The following GLDN variants were observed in gnomAD, a reference collection of about 807,000 sequenced individuals.
The protein encoded by GLDN is gliomedin, also known as collomin.
Under a neutral mutation model 56.5 loss-of-function variants are expected in GLDN, and 47 were observed. The ratio of observed to expected loss-of-function variants is 0.83; its 90% CI spans 0.66 to 1.06. The LOEUF (loss-of-function observed/expected upper bound fraction) is 1.06, where lower values mean the gene tolerates loss of function less well. Ranked by LOEUF, GLDN falls within the 50% of genes least tolerant of loss-of-function variation. The pLI is 0.00. For missense variants in GLDN, 782 were observed against 714.3 expected (o/e 1.09, Z -1.08); for synonymous variants, 332 against 278.8 (o/e 1.19, Z -1.90).
rs570861648 is a variant in GLDN, at chr15:51,407,013, A to G, written c.*2259A>G. On this transcript the variant is annotated 3_prime_UTR_variant, in exon 10 of 10. Transcript: ENST00000335449. ...CTAATTGTATATAAGGTAGCAACCA[A>G]AAGAGGTTGTTAATTAGCACATATT... 16 of 152,334 alleles carry G rather than the reference A, an allele frequency of 1.1e-4. No homozygotes were observed. The highest frequency in any genetic ancestry group is 3.8e-4 in the African/African-American group (16 of 41,572). The allele number at this position is 152,334 out of a possible 1,614,324, so 9.4% of individuals were successfully genotyped here. A position where few individuals can be genotyped will look rare whatever the true frequency, so the allele number is the denominator to read the frequency against.
intron 8 of GLDN, among the ~76,000 whole-genome samples, 154 bp from the exon 9 acceptor site, chr15:51,401,439 A>G (rs2038247112): frequency 6.6e-6 from 1 of 152,204 alleles, no homozygotes; most frequent in Non-Finnish European, 1.5e-5. Flanking sequence ...TTGGACTTTG[A>G]GCTTGGGAGT....
downstream of GLDN, among the ~76,000 whole-genome samples, chr15:51,412,466 G>C (rs1187165574): frequency 2.0e-5 from 3 of 152,106 alleles, no homozygotes; most frequent in Admixed American, 2.0e-4. Context: ...GATCCCTTTG[G>C]TAAAAGATGG....
chr15:51,357,617 C>T (rs190048815), intron 1 of GLDN, among the ~76,000 whole-genome samples: 1 of 152,306 alleles, frequency 6.6e-6, no homozygotes, highest in East Asian at 1.9e-4. Context: ...CCACCTTTTT[C>T]TACCTTTCCT....
At chr15:51,344,124 A>C (rs2036935494) in intron 1 of GLDN, among the ~76,000 whole-genome samples, 1 of 152,242 alleles carries the variant, frequency 6.6e-6, no homozygotes, top group Non-Finnish European at 1.5e-5. Flanking sequence ...TACTGGCCTG[A>C]AGACCACATT....
rs779432560 is a variant in GLDN at position 51,341,779 on chromosome 15, C to A, written c.95C>A (p.Ala32Glu). Reference sequence around the variant, plus strand: ...GCGCTGCTCTCGGCGCTCAACGCTGCGGGCACGGTGTTCGCGCTGTGCCAG... The same window carrying A: ...GCGCTGCTCTCGGCGCTCAACGCTGAGGGCACGGTGTTCGCGCTGTGCCAG... ...AVALLSALNA[A>E]GTVFALCQWR... The change falls in exon 1 of 10, where the codon GCG (alanine) becomes GAG (glutamate). Residue 32 changes from alanine to glutamate, a missense_variant. Transcript: ENST00000335449. 24 of 1,498,146 alleles carry A rather than the reference C, an allele frequency of 1.6e-5. No individual in the cohort carries two copies. The African/African-American group carries it at 3.2e-4, about 20-fold the overall frequency. 92.8% of individuals were successfully genotyped at this position (1,498,146 alleles called of 1,614,324 possible). A position where few individuals can be genotyped will look rare whatever the true frequency, so the allele number is the denominator to read the frequency against.
At chr15:51,395,058 C>T in intron 5 of GLDN, 77 bp downstream of exon 5, 1 of 1,388,332 alleles carries the variant, frequency 7.2e-7, no homozygotes, top group Non-Finnish European at 9.5e-7. Flanking sequence ...ACCAGGGCTG[C>T]TCCTGTGTCT....
At chr15:51,351,932 G>A (rs1359484431) in intron 1 of GLDN, among the ~76,000 whole-genome samples, 2 of 152,158 alleles carry the variant, frequency 1.3e-5, no homozygotes, top group African/African-American at 2.4e-5. Flanking sequence ...TAGGTTGTTC[G>A]GATGTTTAAG....
chr15:51,397,205 C>T (rs940079190), intron 5 of GLDN, among the ~76,000 whole-genome samples: 5 of 152,164 alleles, frequency 3.3e-5, no homozygotes, highest in Non-Finnish European at 5.9e-5. Context: ...TGTGGCCCCA[C>T]TTGTCCACTT....
intron 1 of GLDN, among the ~76,000 whole-genome samples, chr15:51,375,773 C>G (rs1245043571): frequency 6.6e-6 from 1 of 152,158 alleles, no homozygotes; most frequent in Admixed American, 6.5e-5. Flanking sequence ...TCCTCAAGGC[C>G]AGGTGCTTAT....
chr15:51,345,944 G>A (rs1259437396), intron 1 of GLDN, among the ~76,000 whole-genome samples: 2 of 152,168 alleles, frequency 1.3e-5, no homozygotes, highest in Admixed American at 6.5e-5. Flanking sequence ...ACAATCATCT[G>A]TTGAAAGATA....
chr15:51,381,211 A>AG (rs758636476), intron 2 of GLDN, among the ~76,000 whole-genome samples: 5 of 152,166 alleles, frequency 3.3e-5, no homozygotes, highest in Admixed American at 6.5e-5. Flanking sequence ...AACAGTACTG[A>AG]TGCATGGACG....
At chr15:51,359,327 C>A (rs73395903) in intron 1 of GLDN, among the ~76,000 whole-genome samples, 6,164 of 152,306 alleles carry the variant, frequency 0.04, 172 homozygotes, top group Middle Eastern at 0.11. Flanking sequence ...TGGAGAGATA[C>A]TATGTTGTCG....
chr15:51,394,903 C>A lies in GLDN; in HGVS notation c.610C>A (p.Gln204Lys), dbSNP rs1490213602. ...GGGAGACCATGGTGAACTGGGCCTG[C>A]AGGGAAATGAGGGCCCACCAGGGCA... is the stretch of plus-strand genomic sequence containing the variant. The part of the protein sequence containing the change: ...EKGDHGELGL[Q>K]GNEGPPGQKG... Residue 204 changes from glutamine (Q) to lysine (K), a missense_variant, in exon 5 of 10, where the codon CAG (glutamine) becomes AAG (lysine). Physicochemically the swap from Gln to Lys is moderately conservative, Grantham distance 53 (BLOSUM62 1). Coordinates refer to ENST00000335449, the MANE Select transcript of GLDN (RefSeq NM_181789.4). The A allele has an allele frequency of 6.2e-6, 10 of 1,613,254 alleles. No homozygotes were observed. Among genetic ancestry groups the A allele is most frequent in the Admixed American group, 1.7e-5 (1 of 59,890 alleles).
downstream of GLDN, among the ~76,000 whole-genome samples, chr15:51,411,778 A>G (rs557090913): frequency 6.6e-6 from 1 of 152,362 alleles, no homozygotes; most frequent in African/African-American, 2.4e-5. Flanking sequence ...TTACACAGTA[A>G]AAACTATTTT....
chr15:51,398,846 G>A (rs960189165), intron 6 of GLDN, among the ~76,000 whole-genome samples: 17 of 152,188 alleles, frequency 1.1e-4, no homozygotes, highest in African/African-American at 3.6e-4. Flanking sequence ...GCTCTGACCC[G>A]AGCTTTTGCA....
chr15:51,393,007 T>C (rs1435360111), intron 4 of GLDN, among the ~76,000 whole-genome samples: 1 of 152,210 alleles, frequency 6.6e-6, no homozygotes, highest in African/African-American at 2.4e-5. Flanking sequence ...TTTCTGATAT[T>C]AGGGAGAAAA....
chr15:51,406,504 G>T lies in GLDN; in HGVS notation c.*1750G>T, dbSNP rs2038386931. On this transcript the variant is annotated 3_prime_UTR_variant, in exon 10 of 10. Transcript: ENST00000335449. Reference sequence around the variant, plus strand: ...TGAGTTCAATATATTATTAACAGCAGTATTTTAAAACTTAGGGTTGAACTG... The same window carrying T: ...TGAGTTCAATATATTATTAACAGCATTATTTTAAAACTTAGGGTTGAACTG... 1 of 152,128 alleles carries T rather than the reference G, an allele frequency of 6.6e-6. No homozygotes were observed. Among genetic ancestry groups the T allele is most frequent in the South Asian group, 2.1e-4 (1 of 4,828 alleles). The allele number at this position is 152,128 out of a possible 1,614,324, so 9.4% of individuals were successfully genotyped here.
At chr15:51,350,460 G>A (rs1021863928) in intron 1 of GLDN, among the ~76,000 whole-genome samples, 3 of 152,162 alleles carry the variant, frequency 2.0e-5, no homozygotes, top group African/African-American at 7.2e-5. Context: ...GGTTTCCGTG[G>A]CCCTTCTCAC....
At chr15:51,373,636 G>A (rs146212743) in intron 1 of GLDN, among the ~76,000 whole-genome samples, 2 of 152,356 alleles carry the variant, frequency 1.3e-5, no homozygotes, top group East Asian at 3.9e-4. Flanking sequence ...GTAAAGATGT[G>A]TGGCACAGCA....
Sources: allele counts gnomAD v4.1 joint callset (sites outside exome capture counted in the v4.1 genomes callset), GRCh38; gene constraint gnomAD v4.1.1; transcripts MANE v1.5; gene names NCBI Gene and HGNC (gene_info 2026-07-23, HGNC 2026-07-21).